The following ATP8B4 variants were observed in gnomAD, a reference collection of about 807,000 sequenced individuals.
ATP8B4 encodes the protein ATPase phospholipid transporting 8B4 (putative), also known as probable phospholipid-transporting ATPase IM.
In ATP8B4, 133 loss-of-function variants were observed where a neutral mutation model predicts 145.6. That is an observed-to-expected ratio of 0.91 (90% confidence interval 0.79 to 1.05). The LOEUF is 1.05. ATP8B4 is among the 50% of genes least tolerant of loss of function. ATP8B4 has a pLI of 0.00. For synonymous variants in ATP8B4, 507 were observed against 492.9 expected (o/e 1.03, Z -0.38); for missense variants, 1,458 against 1,425.2 (o/e 1.02, Z -0.37).
intron 26 of ATP8B4, among the ~76,000 whole-genome samples, chr15:49,865,261 T>C (rs1412258018): frequency 6.6e-6 from 1 of 152,228 alleles, no homozygotes; most frequent in Non-Finnish European, 1.5e-5. Context: ...GCTGAACATG[T>C]AGAGGTTCCT....
chr15:49,962,477 A>T (rs983411275), intron 13 of ATP8B4, among the ~76,000 whole-genome samples: 1 of 152,210 alleles, frequency 6.6e-6, no homozygotes, highest in Non-Finnish European at 1.5e-5. Flanking sequence ...TTAGCATGTA[A>T]GCCTTAAACA....
At chr15:50,097,686 A>G (rs2153660612) in intron 2 of ATP8B4, among the ~76,000 whole-genome samples, 1 of 152,326 alleles carries the variant, frequency 6.6e-6, no homozygotes, top group Middle Eastern at 3.4e-3. Context: ...TCAGATCCCT[A>G]TACAAGTCAC....
rs1219992678 is a variant in ATP8B4, at chr15:49,901,179, A to G, written c.2202T>C (p.Cys734=). 6.2e-7 allele frequency: 1 copy of G among 1,613,600 alleles called. No homozygotes were observed. The highest frequency in any genetic ancestry group is 1.7e-5 in the Admixed American group (1 of 59,990). ...CCAACTCCAGCTGCTGCTTTTTTTC[A>G]CAAACTACATGGCCATTGGAAAAAT... ...NRNFSNGHVV[C]EKKQQLELDS... The change falls in exon 21 of 28, where the codon TGT becomes TGC. Residue 734 remains cysteine (C), a synonymous_variant. Transcript: ENST00000284509.
chr15:50,027,015 C>T (rs1339379885), intron 6 of ATP8B4, among the ~76,000 whole-genome samples: 2 of 152,116 alleles, frequency 1.3e-5, no homozygotes, highest in Middle Eastern at 3.2e-3. Context: ...CCTGGGTTCT[C>T]CAATGCTCTC....
At chr15:50,063,577 CAATAAA>C (rs2053177640) in intron 3 of ATP8B4, among the ~76,000 whole-genome samples, 1 of 151,918 alleles carries the variant, frequency 6.6e-6, no homozygotes, top group Non-Finnish European at 1.5e-5. Flanking sequence ...TTGTCATTAA[CAATAAA>C]AATAAAATTA....
At chr15:49,944,216 G>A (rs2042387315) in intron 14 of ATP8B4, among the ~76,000 whole-genome samples, 1 of 152,072 alleles carries the variant, frequency 6.6e-6, no homozygotes, top group African/African-American at 2.4e-5. Context: ...ATCCTTTCCT[G>A]TAACAATTAC....
intron 6 of ATP8B4, among the ~76,000 whole-genome samples, chr15:50,027,768 T>C (rs1373887214): frequency 6.6e-6 from 1 of 152,260 alleles, no homozygotes; most frequent in Non-Finnish European, 1.5e-5. Context: ...CAGTAAGTTC[T>C]CACTTAACGT....
At chr15:50,179,946 G>A (rs8031292) in intron 1 of ATP8B4, among the ~76,000 whole-genome samples, 130 of 152,254 alleles carry the variant, frequency 8.5e-4, no homozygotes, top group African/African-American at 3.1e-3. Flanking sequence ...GCTCAAAGCT[G>A]GAATCACTGG....
chr15:49,979,472 A>G, intron 12 of ATP8B4, 145 bp downstream of exon 12: 1 of 573,862 alleles, frequency 1.7e-6, no homozygotes, highest in East Asian at 2.9e-5. Flanking sequence ...TAAACAGCTA[A>G]GCTGTCCCAT....
intron 2 of ATP8B4, among the ~76,000 whole-genome samples, chr15:50,093,197 A>T (rs2055724632): frequency 6.6e-6 from 1 of 152,068 alleles, no homozygotes; most frequent in African/African-American, 2.4e-5. Flanking sequence ...CACATTTAAA[A>T]AAAAAAGGAA....
At chr15:49,982,836 G>A (rs911662476) in intron 10 of ATP8B4, among the ~76,000 whole-genome samples, 13 of 152,088 alleles carry the variant, frequency 8.5e-5, no homozygotes, top group African/African-American at 1.9e-4. Context: ...CAATCACAAC[G>A]CCAAAACAGA....
chr15:49,989,451 A>T (rs1347249589), intron 9 of ATP8B4, among the ~76,000 whole-genome samples: 1 of 152,180 alleles, frequency 6.6e-6, no homozygotes. Context: ...TTTGGGCAAA[A>T]ACAACATGAT....
At chr15:49,976,197 CTTTG>C (rs894908745) in intron 12 of ATP8B4, among the ~76,000 whole-genome samples, 23 of 152,044 alleles carry the variant, frequency 1.5e-4, no homozygotes, top group African/African-American at 5.3e-4. Flanking sequence ...AACTGACACT[CTTTG>C]TTTATTTATT....
chr15:49,892,643 C>T (rs2036955715), intron 23 of ATP8B4, among the ~76,000 whole-genome samples: 2 of 152,180 alleles, frequency 1.3e-5, no homozygotes, highest in South Asian at 4.1e-4. Context: ...AAGTGAGCTC[C>T]ATATGGCACC....
chr15:50,018,046 G>A (rs1007219432), intron 6 of ATP8B4, among the ~76,000 whole-genome samples: 17 of 144,804 alleles, frequency 1.2e-4, no homozygotes, highest in African/African-American at 4.4e-4. Context: ...GGAGTGCAGT[G>A]GCACCATCTT....
At chr15:49,935,043 C>G (rs1725867582) in intron 14 of ATP8B4, among the ~76,000 whole-genome samples, 1 of 152,096 alleles carries the variant, frequency 6.6e-6, no homozygotes, top group African/African-American at 2.4e-5. Flanking sequence ...AGGATTATAA[C>G]TACTTTTTTA....
At position 50,053,675 on chromosome 15, in the gene ATP8B4, G is replaced by A. The variant is rs2052361687; in HGVS notation, c.88-6211C>T. 2.0e-5 allele frequency among the ~76,000 whole-genome samples: 3 copies of A among 152,192 alleles called. No individual in the cohort carries two copies. The South Asian group carries it at 6.2e-4, about 32-fold the overall frequency. ...TACTTTAGCTTTCAACAGAAGCACA[G>A]TGGCCAAAGTCCTTTATATTTCCAG... On this transcript the variant is annotated intron_variant, in intron 3 of 27. Transcript: ENST00000284509.
intron 1 of ATP8B4, among the ~76,000 whole-genome samples, chr15:50,141,331 C>A (rs1168491671): frequency 6.6e-6 from 1 of 151,886 alleles, no homozygotes; most frequent in Non-Finnish European, 1.5e-5. Flanking sequence ...AGTTTCCAGA[C>A]TCTCCAAGGC....
At chr15:50,163,501 C>A (rs1454679306) in intron 1 of ATP8B4, among the ~76,000 whole-genome samples, 2 of 152,216 alleles carry the variant, frequency 1.3e-5, no homozygotes, top group African/African-American at 4.8e-5. Context: ...TCTCACTCAG[C>A]TGAGTTGCCT....
Sources: gnomAD v4.1 joint callset for allele counts (sites outside exome capture counted in the v4.1 genomes callset) on GRCh38, gnomAD v4.1.1 for gene constraint, MANE v1.5 for transcripts, NCBI Gene and HGNC (gene_info 2026-07-23, HGNC 2026-07-21) for gene names.